The following COL21A1 variants were observed in gnomAD, a reference collection of about 807,000 sequenced individuals.
The protein encoded by COL21A1 is collagen alpha-1(XXI) chain.
Under a neutral mutation model 137.9 loss-of-function variants are expected in COL21A1, and 149 were observed. The ratio of observed to expected loss-of-function variants is 1.08; its 90% CI spans 0.95 to 1.24. COL21A1 has a LOEUF of 1.24. Among genes scored for constraint, COL21A1 ranks in the 50% most tolerant of loss-of-function variants. The probability of loss-of-function intolerance (pLI) is 0.00; values close to 1 mark genes in which losing one functional copy is unlikely to be tolerated. For synonymous variants in COL21A1, 456 were observed against 391.5 expected (o/e 1.16, Z -1.95); for missense variants, 1,167 against 1,158.4 (o/e 1.01, Z -0.11).
chr6:56,188,120 A>C (rs1461666009), intron 1 of COL21A1, among the ~76,000 whole-genome samples: 1 of 152,226 alleles, frequency 6.6e-6, no homozygotes, highest in Non-Finnish European at 1.5e-5. Context: ...AATAGCTAAA[A>C]TTAAAAGACA....
intron 9 of COL21A1, among the ~76,000 whole-genome samples, chr6:56,159,297 A>G (rs1170448624): frequency 1.3e-5 from 2 of 150,856 alleles, no homozygotes; most frequent in African/African-American, 2.4e-5. Flanking sequence ...GTCTTCATTT[A>G]TCACTTGGAT....
chr6:56,282,762 C>A (rs1430606137), intron 1 of COL21A1, among the ~76,000 whole-genome samples: 1 of 151,978 alleles, frequency 6.6e-6, no homozygotes, highest in African/African-American at 2.4e-5. Context: ...ATATTATCTA[C>A]ACACACTTTA....
rs558763185 is a variant in COL21A1 at position 56,332,944 on chromosome 6, T to A, written c.-39+61027A>T. 1.3e-4 allele frequency among the ~76,000 whole-genome samples: 20 copies of A among 152,198 alleles called. No homozygotes were observed. In the East Asian group the frequency reaches 2.9e-3, roughly 22 times the overall value. On this transcript the variant is annotated intron_variant, in intron 1 of 28. Transcript: ENST00000370819. ...AGATATGTCTGGACATATTACTCAATATTTTACCAACTTGTCATTTTTCAT... is the reference window on the plus strand; with the variant it reads ...AGATATGTCTGGACATATTACTCAAAATTTTACCAACTTGTCATTTTTCAT...
intron 1 of COL21A1, among the ~76,000 whole-genome samples, chr6:56,332,801 C>T (rs1232244234): frequency 6.6e-6 from 1 of 151,926 alleles, no homozygotes; most frequent in African/African-American, 2.4e-5. Flanking sequence ...TGTTTCTTAA[C>T]CATTTTTATT....
intron 9 of COL21A1, among the ~76,000 whole-genome samples, chr6:56,158,688 G>A (rs1413715951): frequency 1.3e-5 from 2 of 152,022 alleles, no homozygotes; most frequent in Admixed American, 6.6e-5. Flanking sequence ...CTCCTGGCTA[G>A]GGAAATTTGT....
At chr6:56,151,619 T>C (rs563487675) in intron 10 of COL21A1, among the ~76,000 whole-genome samples, 2 of 152,338 alleles carry the variant, frequency 1.3e-5, no homozygotes, top group East Asian at 3.9e-4. Context: ...AATAATTTCC[T>C]ATTTAAAGTT....
chr6:56,303,809 C>T (rs1764364370), intron 1 of COL21A1, among the ~76,000 whole-genome samples: 1 of 152,106 alleles, frequency 6.6e-6, no homozygotes, highest in African/African-American at 2.4e-5. Context: ...TGTCTTGTAC[C>T]AGTTTTCAAA....
rs536298607 is a variant in COL21A1 at position 56,120,910 on chromosome 6, C to A, written c.1758+3152G>T. ...AATCAGCATATTAAAGGGATATCTG[C>A]ACTTCTGTGTTTCTGGCAGCACTTA... On this transcript the variant is annotated intron_variant, in intron 16 of 29. Coordinates refer to ENST00000244728, the MANE Select transcript of COL21A1 (RefSeq NM_030820.4). Among the ~76,000 whole-genome samples, 284 of 152,204 alleles carry A rather than the reference C, an allele frequency of 1.9e-3. 2 individuals carry two copies. Among genetic ancestry groups the A allele is most frequent in the Non-Finnish European group, 3.2e-3 (218 of 68,020 alleles).
intron 1 of COL21A1, among the ~76,000 whole-genome samples, chr6:56,267,044 A>G (rs1263597973): frequency 2.0e-5 from 3 of 152,248 alleles, no homozygotes; most frequent in African/African-American, 7.2e-5. Flanking sequence ...CCTCTTCCAC[A>G]GAGAAGTCTA....
intron 1 of COL21A1, among the ~76,000 whole-genome samples, chr6:56,383,999 CTTAGA>C (rs1183991939): frequency 1.3e-5 from 2 of 151,656 alleles, no homozygotes; most frequent in Non-Finnish European, 2.9e-5. Context: ...AATTTTTTTC[CTTAGA>C]TTAAACTAGG....
At chr6:56,207,551 A>C (rs1261268475) in intron 1 of COL21A1, among the ~76,000 whole-genome samples, 1 of 152,186 alleles carries the variant, frequency 6.6e-6, no homozygotes, top group East Asian at 1.9e-4. Flanking sequence ...TTAATAGCCT[A>C]CCAACCAAAA....
chr6:56,342,992 C>A (rs997421429), intron 1 of COL21A1, among the ~76,000 whole-genome samples: 1 of 152,130 alleles, frequency 6.6e-6, no homozygotes, highest in South Asian at 2.1e-4. Flanking sequence ...CATAGCTGAT[C>A]AATTCAAATA....
intron 1 of COL21A1, among the ~76,000 whole-genome samples, chr6:56,206,727 T>C (rs1374891460): frequency 9.3e-6 from 1 of 107,700 alleles, no homozygotes; most frequent in Non-Finnish European, 1.9e-5. Flanking sequence ...TATATATATA[T>C]ATATATATAT....
chr6:56,198,940 A>G (rs1014239265), intron 1 of COL21A1, among the ~76,000 whole-genome samples: 1 of 152,090 alleles, frequency 6.6e-6, no homozygotes, highest in African/African-American at 2.4e-5. Flanking sequence ...CTTTTTTATT[A>G]ACTGAAAGGG....
intron 1 of COL21A1, among the ~76,000 whole-genome samples, chr6:56,206,693 A>ATATATATAT (rs1779800725): frequency 3.1e-5 from 4 of 127,892 alleles, no homozygotes; most frequent in Non-Finnish European, 5.2e-5. Context: ...TAAATAAATA[A>ATATATATAT]ATAAATATAT....
intron 14 of COL21A1, among the ~76,000 whole-genome samples, chr6:56,124,690 G>A (rs984802157): frequency 2.6e-5 from 4 of 152,150 alleles, no homozygotes; most frequent in Non-Finnish European, 2.9e-5. Context: ...TGCCCAGGCT[G>A]GAGTGCAGTG....
intron 17 of COL21A1, among the ~76,000 whole-genome samples, chr6:56,092,993 A>G: frequency 6.6e-6 from 1 of 152,036 alleles, no homozygotes; most frequent in South Asian, 2.1e-4. Context: ...CTTAGCCACC[A>G]TGGTCTCATT....
chr6:56,286,142 C>G (rs9357902), intron 1 of COL21A1, among the ~76,000 whole-genome samples: 5 of 151,986 alleles, frequency 3.3e-5, no homozygotes, highest in East Asian at 1.9e-4. Context: ...GGCCATGATA[C>G]AGTTTATGCA....
intron 23 of COL21A1, among the ~76,000 whole-genome samples, chr6:56,065,467 A>G (rs1049448206): frequency 5.9e-5 from 9 of 152,092 alleles, no homozygotes; most frequent in African/African-American, 2.2e-4. Flanking sequence ...AAGCAATTAA[A>G]TCTAGAATGA....
Sources: gnomAD v4.1 joint callset for allele counts (sites outside exome capture counted in the v4.1 genomes callset) on GRCh38, gnomAD v4.1.1 for gene constraint, MANE v1.5 for transcripts, NCBI Gene and HGNC (gene_info 2026-07-23, HGNC 2026-07-21) for gene names.